The following APBA1 variants were observed in gnomAD, a reference collection of about 807,000 sequenced individuals.
APBA1 encodes the protein amyloid beta precursor protein binding family A member 1, also known as amyloid-beta A4 precursor protein-binding family A member 1.
In APBA1, 55 loss-of-function variants were observed where a neutral mutation model predicts 86.6. That is an observed-to-expected ratio of 0.64 (90% CI 0.51 to 0.80). The LOEUF (loss-of-function observed/expected upper bound fraction) is 0.80, where lower values mean the gene tolerates loss of function less well. Ranked by LOEUF, APBA1 falls within the 30% of genes least tolerant of loss-of-function variation. APBA1 has a pLI of 0.00. For missense variants in APBA1, 1,090 were observed against 1,183.0 expected (o/e 0.92, Z 1.15); for synonymous variants, 511 against 493.9 (o/e 1.03, Z -0.46).
intron 2 of APBA1, among the ~76,000 whole-genome samples, chr9:69,483,805 A>G (rs1047367683): frequency 2.0e-5 from 3 of 152,060 alleles, no homozygotes; most frequent in African/African-American, 4.8e-5. Flanking sequence ...CCAGGGTAAC[A>G]GCTGGCATAA....
intron 1 of APBA1, among the ~76,000 whole-genome samples, chr9:69,604,419 C>T (rs1195544335): frequency 7.3e-6 from 1 of 137,710 alleles, no homozygotes; most frequent in African/African-American, 2.8e-5. Flanking sequence ...TGAGTGTGGG[C>T]ACACATATAT....
At chr9:69,432,837 A>G (rs1410596810) in intron 11 of APBA1, among the ~76,000 whole-genome samples, 161 bp from the exon 12 acceptor site, 1 of 152,226 alleles carries the variant, frequency 6.6e-6, no homozygotes, top group African/African-American at 2.4e-5. Flanking sequence ...TCACAAAAAA[A>G]TAGGTGCCGT....
At chr9:69,541,723 A>G in intron 1 of APBA1, among the ~76,000 whole-genome samples, 1 of 152,104 alleles carries the variant, frequency 6.6e-6, no homozygotes. Flanking sequence ...AAAACCTAGG[A>G]AAAAAATGAG....
At chr9:69,439,290 C>T (rs1464645247) in intron 11 of APBA1, among the ~76,000 whole-genome samples, 14 of 144,260 alleles carry the variant, frequency 9.7e-5, no homozygotes, top group East Asian at 2.0e-4. Context: ...ATCTTTGTGG[C>T]GTTCTCTGTA....
At chr9:69,434,700 C>A (rs1164798615) in intron 11 of APBA1, among the ~76,000 whole-genome samples, 5 of 148,660 alleles carry the variant, frequency 3.4e-5, no homozygotes, top group East Asian at 2.0e-4. Flanking sequence ...GAGCGAGACT[C>A]CATCTCAATT....
chr9:69,439,786 CAA>C (rs1380344681), intron 11 of APBA1, among the ~76,000 whole-genome samples: 2 of 152,216 alleles, frequency 1.3e-5, no homozygotes, highest in Non-Finnish European at 2.9e-5. Context: ...CTCAACTCGT[CAA>C]AGTCATTCTC....
At chr9:69,522,711 C>G (rs1178782980) in intron 1 of APBA1, among the ~76,000 whole-genome samples, 3 of 152,164 alleles carry the variant, frequency 2.0e-5, no homozygotes, top group Non-Finnish European at 4.4e-5. Flanking sequence ...ATATTAAGTG[C>G]TGCTGTTCTT....
chr9:69,553,142 T>C (rs960032856), intron 1 of APBA1, among the ~76,000 whole-genome samples: 3 of 152,170 alleles, frequency 2.0e-5, no homozygotes, highest in African/African-American at 4.8e-5. Flanking sequence ...CTGGGCTCAA[T>C]TGATCTGCCT....
chr9:69,641,939 G>A (rs1036746848), intron 1 of APBA1, among the ~76,000 whole-genome samples: 3 of 152,092 alleles, frequency 2.0e-5, no homozygotes, highest in Non-Finnish European at 4.4e-5. Context: ...TCCGCCTCCC[G>A]GATTCAACCG....
chr9:69,515,694 GGGGGGGGGGGC>G (rs1383416374), intron 2 of APBA1, among the ~76,000 whole-genome samples: 3 of 14,846 alleles, frequency 2.0e-4, no homozygotes, highest in Non-Finnish European at 4.3e-4. Context: ...AGAAACTGGG[GGGGGGGGGGGC>G]GGGGGGTGGA....
intron 1 of APBA1, among the ~76,000 whole-genome samples, chr9:69,568,043 C>T (rs1837057465): frequency 6.6e-6 from 1 of 152,182 alleles, no homozygotes; most frequent in Non-Finnish European, 1.5e-5. Context: ...TTAACAAACA[C>T]AGTAAGTATG....
Position 69,525,858 on chromosome 9 carries a change from C to T in APBA1, c.-69-8579G>A, listed in dbSNP as rs7852097. Among the ~76,000 whole-genome samples, 1,127 of 151,202 alleles carry T rather than the reference C, an allele frequency of 7.5e-3. 16 individuals carry two copies. The highest frequency in any genetic ancestry group is 0.025 in the African/African-American group (1,034 of 41,294). ...GGACCAAAACATCATGGTACTTGTACAAAAACAGACACATAGAGGAATGGA... is the reference window on the plus strand; with the variant it reads ...GGACCAAAACATCATGGTACTTGTATAAAAACAGACACATAGAGGAATGGA... On this transcript the variant is annotated intron_variant, in intron 1 of 12. Transcript: ENST00000265381.
At chr9:69,627,245 T>A (rs1479832244) in intron 1 of APBA1, among the ~76,000 whole-genome samples, 2 of 152,164 alleles carry the variant, frequency 1.3e-5, no homozygotes, top group Non-Finnish European at 2.9e-5. Flanking sequence ...GCCTTTTTGT[T>A]GTTGTTGTCA....
In APBA1 at chr9:69,516,217, C is replaced by T. The variant is rs752553631; in HGVS notation, c.994G>A (p.Gly332Ser). The change falls in exon 2 of 13, where the codon GGC (glycine) becomes AGC (serine). Residue 332 changes from glycine to serine, a missense_variant. Around this residue, in one of 6 missense-constraint regions of APBA1, gnomAD observed 678 missense variants for 647.1 expected, o/e 1.05. Transcript: ENST00000265381. This position sits in a 1 kb window ranked among gnomAD's most constrained non-coding sequence, Gnocchi z 7.3. ...TTGCTGTACCGCTGCCCCGCCTCGC[C>T]GCCGCCCGCGGGGCCCACCGCCCGC... ...QQRAVGPAGG[G>S]EAGQRYSKEK... The T allele has an allele frequency of 6.7e-6, 10 of 1,496,838 alleles. No homozygotes were observed. In the South Asian group the frequency reaches 9.1e-5, roughly 14 times the overall value. 92.7% of individuals were successfully genotyped at this position (1,496,838 alleles called of 1,614,324 possible).
chr9:69,519,186 C>T (rs573758634), intron 1 of APBA1, among the ~76,000 whole-genome samples: 1 of 152,346 alleles, frequency 6.6e-6, no homozygotes, highest in East Asian at 1.9e-4. Context: ...ATGGTTAAGG[C>T]TGTAAACCAG....
intron 1 of APBA1, among the ~76,000 whole-genome samples, chr9:69,574,676 C>T (rs1821743318): frequency 6.6e-6 from 1 of 152,088 alleles, no homozygotes; most frequent in Non-Finnish European, 1.5e-5. Context: ...AAAAACTTTA[C>T]AAGTAGTTTT....
intron 5 of APBA1, among the ~76,000 whole-genome samples, chr9:69,465,858 T>C (rs1022798839): frequency 1.3e-5 from 2 of 152,190 alleles, no homozygotes; most frequent in African/African-American, 2.4e-5. Context: ...ATGGGCCTTA[T>C]GGCAGCAGGG....
At chr9:69,440,954 T>G (rs1445939289) in intron 11 of APBA1, 42 bp downstream of exon 11, 1 of 1,596,476 alleles carries the variant, frequency 6.3e-7, no homozygotes, top group East Asian at 2.2e-5. Context: ...CATTTTTATT[T>G]GTCAACATTG....
chr9:69,584,772 A>G (rs1821985667), intron 1 of APBA1, among the ~76,000 whole-genome samples: 1 of 152,248 alleles, frequency 6.6e-6, no homozygotes, highest in Non-Finnish European at 1.5e-5. Context: ...TTGTAGGAAA[A>G]TGAGAAGGGT....
Sources: gnomAD v4.1 joint callset for allele counts (sites outside exome capture counted in the v4.1 genomes callset) on GRCh38, gnomAD v4.1.1 for gene constraint, gnomAD v4.1.1 regional missense constraint, Gnocchi (gnomAD v3.1) non-coding constraint, MANE v1.5 for transcripts, NCBI Gene and HGNC (gene_info 2026-07-23, HGNC 2026-07-21) for gene names.